NYAP2: variants seen among roughly 807,000 people sequenced by gnomAD.
NYAP2 encodes the protein neuronal tyrosine-phosphorylated phosphoinositide-3-kinase adapter 2.
In NYAP2, 23 loss-of-function variants were observed where a neutral mutation model predicts 50.4. That is an observed-to-expected ratio of 0.46 (90% CI 0.33 to 0.65). The LOEUF is 0.65. NYAP2 is among the 30% of genes least tolerant of loss of function. The pLI, the probability that NYAP2 is intolerant of heterozygous loss-of-function variation, is 0.02. For synonymous variants in NYAP2, 394 were observed against 365.2 expected (o/e 1.08, Z -0.90); for missense variants, 885 against 861.0 (o/e 1.03, Z -0.35).
intron 4 of NYAP2, among the ~76,000 whole-genome samples, chr2:225,579,285 A>C (rs1449881921): frequency 6.6e-6 from 1 of 152,164 alleles, no homozygotes; most frequent in Non-Finnish European, 1.5e-5. Context: ...GACCCAATTC[A>C]GTCAATAGCA....
At chr2:225,660,030 T>C in the NYAP2 span, among the ~76,000 whole-genome samples, 1 of 152,186 alleles carries the variant, frequency 6.6e-6, no homozygotes, top group African/African-American at 2.4e-5. Context: ...AGATTTCTAG[T>C]TGGTTCTATC....
At chr2:225,452,233 A>C (rs771678175) in intron 3 of NYAP2, among the ~76,000 whole-genome samples, 1 of 152,182 alleles carries the variant, frequency 6.6e-6, no homozygotes, top group Non-Finnish European at 1.5e-5. Flanking sequence ...TCTCTTTTTA[A>C]AATAAAGAAC....
At chr2:225,605,437 C>T (rs893974840) in intron 5 of NYAP2, among the ~76,000 whole-genome samples, 3 of 152,102 alleles carry the variant, frequency 2.0e-5, no homozygotes, top group Admixed American at 6.6e-5. Context: ...TTTTTAACCT[C>T]CTAATGATTG....
At chr2:225,410,467 G>T (rs996953483) in intron 3 of NYAP2, among the ~76,000 whole-genome samples, 2 of 150,458 alleles carry the variant, frequency 1.3e-5, no homozygotes, top group African/African-American at 4.9e-5. Context: ...ACATTTTTTT[G>T]TGTGTGAGCA....
chr2:225,678,284 G>T, the NYAP2 span, among the ~76,000 whole-genome samples: 11,547 of 152,016 alleles, frequency 0.076, 505 homozygotes, highest in East Asian at 0.24. Context: ...TTCTGATTGC[G>T]TTTATTTGAA....
chr2:225,471,200 C>A (rs1381003277), intron 3 of NYAP2, among the ~76,000 whole-genome samples: 1 of 152,150 alleles, frequency 6.6e-6, no homozygotes, highest in Non-Finnish European at 1.5e-5. Context: ...ACATGGTTGT[C>A]CTCAAATGAA....
At chr2:225,697,719 A>G in the NYAP2 span, among the ~76,000 whole-genome samples, 1 of 152,098 alleles carries the variant, frequency 6.6e-6, no homozygotes, top group East Asian at 1.9e-4. Context: ...TTAAAAGTGT[A>G]AAAGATTTAA....
chr2:225,595,073 T>C (rs1692573181), intron 5 of NYAP2, among the ~76,000 whole-genome samples: 1 of 152,188 alleles, frequency 6.6e-6, no homozygotes, highest in African/African-American at 2.4e-5. Context: ...TAATTGATAA[T>C]GGAGGAAAAA....
At chr2:225,652,865 T>C (rs1039829939) in exon 7 of NYAP2, 1 of 152,228 alleles carries the variant, frequency 6.6e-6, no homozygotes, top group Non-Finnish European at 1.5e-5. Context: ...GACTTAAATA[T>C]GCAAAATAGT....
At chr2:225,524,395 C>A (rs1165985886) in intron 4 of NYAP2, among the ~76,000 whole-genome samples, 2 of 152,172 alleles carry the variant, frequency 1.3e-5, no homozygotes, top group Non-Finnish European at 2.9e-5. Context: ...GCCATACTGG[C>A]AGCTGATTTG....
intron 3 of NYAP2, among the ~76,000 whole-genome samples, chr2:225,466,641 C>A (rs1487139154): frequency 6.6e-6 from 1 of 152,092 alleles, no homozygotes; most frequent in Non-Finnish European, 1.5e-5. Context: ...AGGAGAGAAC[C>A]ACTTGCTTCC....
chr2:225,446,972 C>T (rs965350007), intron 3 of NYAP2, among the ~76,000 whole-genome samples: 1 of 151,966 alleles, frequency 6.6e-6, no homozygotes, highest in Admixed American at 6.6e-5. Context: ...TCTCTTTCAC[C>T]GAGAAGCCAA....
chr2:225,444,505 C>G (rs560729274), intron 3 of NYAP2, among the ~76,000 whole-genome samples: 1 of 152,178 alleles, frequency 6.6e-6, no homozygotes, highest in Non-Finnish European at 1.5e-5. Context: ...TATACACACA[C>G]ATTCACACCA....
chr2:225,450,905 G>A (rs1339701138), intron 3 of NYAP2, among the ~76,000 whole-genome samples: 1 of 152,120 alleles, frequency 6.6e-6, no homozygotes, highest in Admixed American at 6.6e-5. Context: ...GAAAATTCCT[G>A]TGTCGGACCT....
chr2:225,645,110 T>C (rs1693606784), intron 6 of NYAP2, among the ~76,000 whole-genome samples: 1 of 152,122 alleles, frequency 6.6e-6, no homozygotes, highest in South Asian at 2.1e-4. Flanking sequence ...AAATACAGGT[T>C]AGCCGTCCAT....
At chr2:225,549,496 A>G (rs1316700111) in intron 4 of NYAP2, among the ~76,000 whole-genome samples, 1 of 152,190 alleles carries the variant, frequency 6.6e-6, no homozygotes. Flanking sequence ...CTGATGGGAA[A>G]GATCAGTGTA....
At chr2:225,563,510 G>T (rs16866649) in intron 4 of NYAP2, among the ~76,000 whole-genome samples, 24,554 of 152,060 alleles carry the variant, frequency 0.16, 2,189 homozygotes, top group African/African-American at 0.23. Flanking sequence ...CCAGGTCATA[G>T]AAGGCTATGT....
At chr2:225,534,728 A>G (rs889670891) in intron 4 of NYAP2, among the ~76,000 whole-genome samples, 1 of 152,230 alleles carries the variant, frequency 6.6e-6, no homozygotes, top group African/African-American at 2.4e-5. Flanking sequence ...GTTTACTGTA[A>G]AGAATCAGTA....
chr2:225,542,478 A>G lies in NYAP2; in HGVS notation c.523+28806A>G, dbSNP rs149809346. Among the ~76,000 whole-genome samples, 186 of 152,222 alleles carry G rather than the reference A, an allele frequency of 1.2e-3. 4 individuals carry two copies. In the South Asian group the frequency reaches 0.027, roughly 22 times the overall value. ...AGTTTTTTGAGTTTTTTAAATCATT[A>G]AGGAATGTTGAATTTTATCAAATGC... On this transcript the variant is annotated intron_variant, in intron 4 of 6. Coordinates refer to ENST00000636099, the Ensembl canonical transcript of NYAP2.
Sources: gnomAD v4.1 joint callset for allele counts (sites outside exome capture counted in the v4.1 genomes callset) on GRCh38, gnomAD v4.1.1 for gene constraint, MANE v1.5 for transcripts, NCBI Gene and HGNC (gene_info 2026-07-23, HGNC 2026-07-21) for gene names.